The following SMG7 variants were observed in gnomAD, a reference collection of about 807,000 sequenced individuals.
SMG7 encodes the protein nonsense-mediated mRNA decay factor SMG7.
SMG7 carries 34 observed loss-of-function variants against 148.2 expected under a neutral mutation model. The ratio of observed to expected loss-of-function variants is 0.23; its 90% confidence interval spans 0.17 to 0.31. The LOEUF (loss-of-function observed/expected upper bound fraction) is 0.31. Among genes scored for constraint, SMG7 ranks in the 10% least tolerant of loss-of-function variants. SMG7 has a pLI of 1.00. For synonymous variants in SMG7, 492 were observed against 515.1 expected, an observed-to-expected ratio of 0.96 and a Z score of 0.61; for missense variants, 1,114 against 1,408.4, an observed-to-expected ratio of 0.79 and a Z score of 3.35.
At chr1:183,481,940 A>G (rs777603268) in intron 1 of SMG7, among the ~76,000 whole-genome samples, 3 of 151,970 alleles carry the variant, frequency 2.0e-5, no homozygotes, top group Non-Finnish European at 2.9e-5. Flanking sequence ...CAGCCTCCCA[A>G]GTTGCTTAGA....
chr1:183,526,942 G>A (rs1466912590), intron 5 of SMG7, among the ~76,000 whole-genome samples, 175 bp downstream of exon 5: 2 of 152,158 alleles, frequency 1.3e-5, no homozygotes, highest in South Asian at 2.1e-4. Context: ...TTTGGGATTG[G>A]CAGAGCATCG....
intron 1 of SMG7, among the ~76,000 whole-genome samples, chr1:183,492,521 C>G (rs1015276329): frequency 1.1e-4 from 17 of 152,134 alleles, no homozygotes; most frequent in Non-Finnish European, 2.4e-4. Context: ...ATTGTTTTAG[C>G]TATTCTAGGT....
At chr1:183,490,013 T>A (rs920721047) in intron 1 of SMG7, among the ~76,000 whole-genome samples, 1 of 152,214 alleles carries the variant, frequency 6.6e-6, no homozygotes, top group African/African-American at 2.4e-5. Context: ...TCAGAACCTC[T>A]TGGGATATGG....
intron 1 of SMG7, among the ~76,000 whole-genome samples, chr1:183,480,655 A>G (rs764691253): frequency 5.3e-5 from 8 of 152,196 alleles, no homozygotes; most frequent in Non-Finnish European, 1.0e-4. Context: ...CACTGGGCAT[A>G]CAAGTAAGTA....
In SMG7 at chr1:183,472,647, C is replaced by T; in HGVS notation, c.27C>T (p.Leu9=). ...TGAGCCTGCAGAGCGCGCAGTACCT[C>T]CGGTGAGTGCCGAGGCCGGGCTGGT... MSLQSAQY[L]RQAEVLKADM... is the part of the protein sequence containing the mutation. Residue 9 remains leucine, a splice_region_variant and synonymous_variant, in exon 1 of 23, where the codon CTC becomes CTT. Transcript: ENST00000688051. 1.4e-6 allele frequency: 2 copies of T among 1,471,148 alleles called. No homozygotes were observed. Among genetic ancestry groups the T allele is most frequent in the African/African-American group, 1.4e-5 (1 of 69,778 alleles). The allele number at this position is 1,471,148 out of a possible 1,614,324, so 91.1% of individuals were successfully genotyped here. A position where few individuals can be genotyped will look rare whatever the true frequency, so the allele number is the denominator to read the frequency against.
At chr1:183,498,631 A>G (rs1268391701) in intron 1 of SMG7, among the ~76,000 whole-genome samples, 1 of 152,242 alleles carries the variant, frequency 6.6e-6, no homozygotes, top group Non-Finnish European at 1.5e-5. Context: ...TTTACAGACA[A>G]ATTGCGAGAA....
Position 183,526,721 on chromosome 1 carries a change from C to G in SMG7, c.438C>G (p.Ser146=). Residue 146 remains serine (S), a synonymous_variant, in exon 5 of 23, where the codon TCC becomes TCG. Transcript: ENST00000688051. The part of the protein sequence containing the change: ...TSAIVKPQSS[S]CSYICQHCLV... ...CCATAGTGAAGCCACAGTCTAGCTC[C>G]TGTTCCTATATCTGCCAGCACTGCC... 6.2e-7 allele frequency: 1 copy of G among 1,613,758 alleles called. No individual in the cohort carries two copies. The highest frequency in any genetic ancestry group is 8.5e-7 in the Non-Finnish European group (1 of 1,179,794).
intron 8 of SMG7, among the ~76,000 whole-genome samples, chr1:183,530,820 C>T (rs1384200782): frequency 1.3e-5 from 2 of 152,056 alleles, no homozygotes; most frequent in African/African-American, 4.8e-5. Context: ...CTTGAGATTG[C>T]TTCCAGCTCT....
chr1:183,542,213 A>G lies in SMG7; in HGVS notation c.1553A>G (p.Asp518Gly), dbSNP rs761065202. The change falls in exon 14 of 23, where the codon GAT (aspartate) becomes GGT (glycine). Residue 518 changes from aspartate to glycine, a missense_variant. By Grantham distance (94) the Asp-to-Gly change is moderately conservative. Transcript: ENST00000688051. ...ETSVIESLAA[D>G]GSPGLKSVLS... ...TCTGTGATAGAGTCGCTGGCTGCAG[A>G]TGGGAGCCCAGGGCTAAAATCAGTG... The G allele has an allele frequency of 2.5e-6, 4 of 1,614,014 alleles. No individual in the cohort carries two copies. Among genetic ancestry groups the G allele is most frequent in the Non-Finnish European group, 3.4e-6 (4 of 1,180,016 alleles).
intron 4 of SMG7, among the ~76,000 whole-genome samples, chr1:183,519,845 A>G (rs1392822417): frequency 6.6e-6 from 1 of 152,114 alleles, no homozygotes; most frequent in African/African-American, 2.4e-5. Flanking sequence ...ATACTGTATT[A>G]TTTCCTGAGG....
intron 1 of SMG7, among the ~76,000 whole-genome samples, chr1:183,482,379 T>G (rs1259796985): frequency 6.6e-6 from 1 of 152,028 alleles, no homozygotes; most frequent in East Asian, 1.9e-4. Context: ...GTACTTCCTC[T>G]TGAGATATGT....
At position 183,533,275 on chromosome 1, in the gene SMG7, A is replaced by T; in HGVS notation, c.955A>T (p.Thr319Ser). ...CTTTAGCAATGAAACCGAGCAGCAC[A>T]CTTATAGCCAAGATGAGCAGCTATG... ...RDFSNETEQH[T>S]YSQDEQLCWT... is the part of the protein sequence containing the mutation. Residue 319 changes from threonine (T) to serine (S), a missense_variant, in exon 9 of 23, where the codon ACT (threonine) becomes TCT (serine). Coordinates refer to ENST00000688051, the MANE Select transcript of SMG7 (RefSeq NM_001375584.1). The T allele has an allele frequency of 1.2e-6, 2 of 1,613,986 alleles. No homozygotes were observed. Among genetic ancestry groups the T allele is most frequent in the South Asian group, 2.2e-5 (2 of 91,080 alleles).
chr1:183,550,573 T>A (rs1349824783), intron 20 of SMG7, among the ~76,000 whole-genome samples, 178 bp from the exon 21 acceptor site: 1 of 152,244 alleles, frequency 6.6e-6, no homozygotes, highest in Non-Finnish European at 1.5e-5. Flanking sequence ...TAGATATGTG[T>A]GGCAGGGCAA....
intron 13 of SMG7, among the ~76,000 whole-genome samples, chr1:183,541,630 C>T (rs182814510): frequency 7.6e-4 from 115 of 152,308 alleles, no homozygotes; most frequent in African/African-American, 2.6e-3. Flanking sequence ...AGATTATAAC[C>T]TTTCCAAAGT....
chr1:183,550,007 A>G (rs1156557980), intron 20 of SMG7, 84 bp downstream of exon 20: 2 of 862,190 alleles, frequency 2.3e-6, no homozygotes, highest in Admixed American at 2.7e-5. Flanking sequence ...TGTAATTACA[A>G]ATATATCATT....
intron 1 of SMG7, among the ~76,000 whole-genome samples, chr1:183,500,761 G>A (rs1659544885): frequency 6.6e-6 from 1 of 152,136 alleles, no homozygotes; most frequent in East Asian, 1.9e-4. Context: ...TCTAGGATGA[G>A]TGAAAAAGCA....
intron 1 of SMG7, among the ~76,000 whole-genome samples, chr1:183,489,920 T>C (rs948402636): frequency 6.6e-6 from 1 of 152,230 alleles, no homozygotes; most frequent in Admixed American, 6.5e-5. Context: ...TTGCAAAATG[T>C]GGTCCCCAGA....
intron 1 of SMG7, among the ~76,000 whole-genome samples, chr1:183,487,952 C>G (rs1655905014): frequency 6.6e-6 from 1 of 152,182 alleles, no homozygotes; most frequent in Non-Finnish European, 1.5e-5. Flanking sequence ...GGATTCCATT[C>G]GTTTGACAAA....
At chr1:183,550,094 C>A in intron 20 of SMG7, 171 bp downstream of exon 20, 2 of 570,442 alleles carry the variant, frequency 3.5e-6, no homozygotes, top group South Asian at 5.9e-5. Flanking sequence ...AAGAAGAAGC[C>A]GGTTTATGTA....
Sources: gnomAD v4.1 joint callset for allele counts (sites outside exome capture counted in the v4.1 genomes callset) on GRCh38, gnomAD v4.1.1 for gene constraint, MANE v1.5 for transcripts, NCBI Gene and HGNC (gene_info 2026-07-23, HGNC 2026-07-21) for gene names.